The following LINGO2 variants were observed in gnomAD, a reference collection of about 807,000 sequenced individuals.
LINGO2 encodes the protein leucine rich repeat and Ig domain containing 2, also known as leucine-rich repeat and immunoglobulin-like domain-containing nogo receptor-interacting protein 2.
LINGO2 carries 14 observed loss-of-function variants against 30.6 expected under a neutral mutation model. The observed-to-expected ratio is 0.46, with a 90% CI of 0.30 to 0.72. LINGO2 has a LOEUF of 0.72. Ranked by LOEUF, LINGO2 falls within the 30% of genes least tolerant of loss-of-function variation. LINGO2 has a pLI of 0.07. For missense variants in LINGO2, 729 were observed against 751.7 expected, an observed-to-expected ratio of 0.97 and a Z score of 0.35; for synonymous variants, 317 against 288.5, an observed-to-expected ratio of 1.10 and a Z score of -1.00.
chr9:27,944,113 T>TA (rs1823273917), downstream of LINGO2: 4 of 152,302 alleles, frequency 2.6e-5, no homozygotes, highest in South Asian at 8.3e-4. Context: ...GACCATTTGT[T>TA]AAAAATCTCA....
intron 3 of LINGO2, among the ~76,000 whole-genome samples, chr9:28,327,694 C>T (rs1587473901): frequency 1.3e-5 from 2 of 152,010 alleles, no homozygotes. Flanking sequence ...TGATATTATA[C>T]ATATATGGGC....
At chr9:28,054,507 T>C (rs1417120219) in intron 4 of LINGO2, among the ~76,000 whole-genome samples, 3 of 152,144 alleles carry the variant, frequency 2.0e-5, no homozygotes, top group South Asian at 4.1e-4. Context: ...ATTAGGTATA[T>C]TAAGAAATTA....
intron 1 of LINGO2, among the ~76,000 whole-genome samples, chr9:28,476,451 A>AT (rs1247491314): frequency 2.6e-5 from 4 of 151,412 alleles, no homozygotes; most frequent in Non-Finnish European, 5.9e-5. Flanking sequence ...AATTTTTTGT[A>AT]TTTTTAGTAG....
the LINGO2 span, among the ~76,000 whole-genome samples, chr9:28,835,707 G>T: frequency 6.6e-6 from 1 of 152,106 alleles, no homozygotes; most frequent in African/African-American, 2.4e-5. Flanking sequence ...TTCTTTTTCT[G>T]TTCAGAATGT....
At chr9:29,176,546 A>T in the LINGO2 span, among the ~76,000 whole-genome samples, 110 of 152,338 alleles carry the variant, frequency 7.2e-4, 6 homozygotes, top group East Asian at 0.021. Context: ...GTGGGTAAGA[A>T]GCTTGTATTA....
chr9:28,163,873 A>G (rs987397864), intron 4 of LINGO2, among the ~76,000 whole-genome samples: 30 of 152,164 alleles, frequency 2.0e-4, no homozygotes, highest in Non-Finnish European at 2.4e-4. Flanking sequence ...AAATGATTTA[A>G]CTTCATGATG....
chr9:28,053,082 A>G (rs1004348116), intron 4 of LINGO2, among the ~76,000 whole-genome samples: 11 of 152,134 alleles, frequency 7.2e-5, no homozygotes, highest in Non-Finnish European at 1.6e-4. Context: ...AGGCAAGAAC[A>G]TGTGATAACC....
At chr9:28,427,701 C>A (rs1317665396) in intron 2 of LINGO2, among the ~76,000 whole-genome samples, 1 of 152,098 alleles carries the variant, frequency 6.6e-6, no homozygotes, top group Non-Finnish European at 1.5e-5. Context: ...TAGTCTAAAT[C>A]AGCCCTCTGT....
chr9:29,168,352 C>G, the LINGO2 span, among the ~76,000 whole-genome samples: 1 of 152,072 alleles, frequency 6.6e-6, no homozygotes, highest in African/African-American at 2.4e-5. Context: ...CATTGTCTCA[C>G]ATTTTCCTTG....
chr9:28,463,494 T>A (rs1825168556), intron 2 of LINGO2, among the ~76,000 whole-genome samples: 1 of 152,116 alleles, frequency 6.6e-6, no homozygotes, highest in East Asian at 1.9e-4. Context: ...CTAGGACTTT[T>A]CATTTCTACT....
the LINGO2 span, among the ~76,000 whole-genome samples, chr9:29,085,451 C>G: frequency 6.6e-6 from 1 of 151,854 alleles, no homozygotes; most frequent in African/African-American, 2.4e-5. Context: ...TTCATTTATT[C>G]TTCAGAATAA....
the LINGO2 span, among the ~76,000 whole-genome samples, chr9:29,021,681 AAAGG>A: frequency 0.17 from 15,557 of 93,392 alleles, 1,296 homozygotes; most frequent in Middle Eastern, 0.2. Flanking sequence ...GAAAGAAAAG[AAAGG>A]AAGGAAGGAA....
At chr9:29,188,226 G>C in the LINGO2 span, among the ~76,000 whole-genome samples, 24 of 151,654 alleles carry the variant, frequency 1.6e-4, no homozygotes, top group African/African-American at 4.8e-4. Context: ...GACTCTTAAC[G>C]AGCATGCTGC....
intron 1 of LINGO2, among the ~76,000 whole-genome samples, chr9:28,620,606 A>G (rs2135823131): frequency 6.6e-6 from 1 of 152,188 alleles, no homozygotes; most frequent in South Asian, 2.1e-4. Context: ...ATGGGCTATT[A>G]TTGGACAGAG....
chr9:29,175,666 G>C, the LINGO2 span, among the ~76,000 whole-genome samples: 2 of 151,460 alleles, frequency 1.3e-5, no homozygotes, highest in South Asian at 4.2e-4. Context: ...AGCTGGGATT[G>C]CAGGCACACA....
intron 4 of LINGO2, among the ~76,000 whole-genome samples, chr9:28,135,822 A>T (rs1587058868): frequency 6.6e-6 from 1 of 152,192 alleles, no homozygotes; most frequent in Admixed American, 6.5e-5. Flanking sequence ...GGTATTTACC[A>T]GTGATTTTCT....
chr9:28,466,536 C>T (rs1825310113), intron 2 of LINGO2, among the ~76,000 whole-genome samples: 2 of 151,976 alleles, frequency 1.3e-5, no homozygotes, highest in Admixed American at 1.3e-4. Flanking sequence ...TTTGATAGCA[C>T]ATCAGTGTCA....
chr9:28,042,934 C>A (rs1473677116), intron 4 of LINGO2, among the ~76,000 whole-genome samples: 1 of 152,148 alleles, frequency 6.6e-6, no homozygotes, highest in Non-Finnish European at 1.5e-5. Flanking sequence ...TTCAGTAGCA[C>A]CGTGATGAGA....
chr9:28,486,225 G>T lies in LINGO2; in HGVS notation c.-364-10200C>A, dbSNP rs549932395. On this transcript the variant is annotated intron_variant, in intron 1 of 5. Transcript: ENST00000379992. ...AATCTGCTTGAGGGTAACACTAGCT[G>T]TTGTTTGGCCTAATTATTTTCTTGA... is the stretch of plus-strand genomic sequence containing the variant. Among the ~76,000 whole-genome samples the T allele has an allele frequency of 6.4e-4, 98 of 152,174 alleles. No homozygotes were observed. In the South Asian group the frequency reaches 0.02, roughly 31 times the overall value.
Sources: allele counts gnomAD v4.1 joint callset (sites outside exome capture counted in the v4.1 genomes callset), GRCh38; gene constraint gnomAD v4.1.1; transcripts MANE v1.5; gene names NCBI Gene and HGNC (gene_info 2026-07-23, HGNC 2026-07-21).